The following SBF1 variants were observed in gnomAD, a reference collection of about 807,000 sequenced individuals.
SBF1 encodes SET binding factor 1, also known as myotubularin-related protein 5.
SBF1 carries 65 observed loss-of-function variants against 215.8 expected under a neutral mutation model. The ratio of observed to expected loss-of-function variants is 0.30; its 90% CI spans 0.25 to 0.37. The LOEUF (loss-of-function observed/expected upper bound fraction) is 0.37, where lower values mean the gene tolerates loss of function less well. SBF1 is among the 10% of genes least tolerant of loss of function. SBF1 has a pLI of 1.00. For missense variants in SBF1, 2,634 were observed against 2,667.8 expected (o/e 0.99, Z 0.28); for synonymous variants, 1,410 against 1,122.8 (o/e 1.26, Z -5.11).
rs771043807 is a variant in SBF1 at position 50,455,023 on chromosome 22, A to G, written c.4674T>C (p.Ile1558=). 1.2e-5 allele frequency: 20 copies of G among 1,613,906 alleles called. No individual in the cohort carries two copies. The Admixed American group carries it at 2.5e-4, about 20-fold the overall frequency. Residue 1558 remains isoleucine (I), a synonymous_variant, in exon 34 of 41, where the codon ATT becomes ATC. Transcript: ENST00000380817. ...CCCCGACTCCCCACATACCCAGCTC[A>G]ATGCGCTCATAGTCAGAGTCGAGCA... ...TFLLDSDYER[I]ELGLLYEEKG...
Position 50,467,618 on chromosome 22 carries a change from G to T in SBF1, c.352C>A (p.Pro118Thr). Residue 118 changes from proline to threonine, a missense_variant, in exon 4 of 41, where the codon CCC (proline) becomes ACC (threonine). Pro to Thr is a conservative substitution (Grantham distance 38, BLOSUM62 -1). Transcript: ENST00000380817. ...GDEGGQTHLS[P>T]TAPAPSAQLF... ...TGGGCAGATGGGGCAGGTGCTGTGG[G>T]AGACAGGTGGGTCTGGCCTCCCTCA... 2 of 1,614,052 alleles carry T rather than the reference G, an allele frequency of 1.2e-6. No individual in the cohort carries two copies. Among genetic ancestry groups the T allele is most frequent in the Non-Finnish European group, 1.7e-6 (2 of 1,179,972 alleles).
chr22:50,466,002 G>C lies in SBF1; in HGVS notation c.970C>G (p.Pro324Ala), dbSNP rs1345886236. 6.2e-7 allele frequency: 1 copy of C among 1,613,998 alleles called. No individual in the cohort carries two copies. The highest frequency in any genetic ancestry group is 1.7e-5 in the Admixed American group (1 of 60,034). The change falls in exon 9 of 41, where the codon CCA becomes GCA. Residue 324 changes from proline (P) to alanine (A), a missense_variant. Physicochemically the swap from Pro to Ala is conservative, Grantham distance 27. Coordinates refer to ENST00000380817, the MANE Select transcript of SBF1 (RefSeq NM_002972.4). ...IPECVHIPPL[P>A]EPLQSQTHSV... is the part of the protein sequence containing the mutation. ...TGCGTCTGACTCTGCAGTGGCTCTGGCAAGGGTGGAATGTGCACACACTCA... is the reference window on the plus strand; with the variant it reads ...TGCGTCTGACTCTGCAGTGGCTCTGCCAAGGGTGGAATGTGCACACACTCA...
In SBF1 at chr22:50,462,491, G is replaced by T. The variant is rs752195167; in HGVS notation, c.2128-18C>A. 3 of 1,612,402 alleles carry T rather than the reference G, an allele frequency of 1.9e-6. No individual in the cohort carries two copies. Among genetic ancestry groups the T allele is most frequent in the African/African-American group, 2.7e-5 (2 of 74,884 alleles). On this transcript the variant is annotated intron_variant, in intron 18 of 40. Coordinates refer to ENST00000380817, the MANE Select transcript of SBF1 (RefSeq NM_002972.4). ...CCAACCTCCTGCCACGGCACCACAC[G>T]CATGAGCCGGGGCCACGCTGCCCCA...
intron 1 of SBF1, among the ~76,000 whole-genome samples, chr22:50,474,056 T>C (rs2148620252): frequency 6.6e-6 from 1 of 152,166 alleles, no homozygotes; most frequent in Non-Finnish European, 1.5e-5. Flanking sequence ...TTCTCCTACC[T>C]CCTGGGCTGA....
Position 50,459,409 on chromosome 22 carries a change from A to T in SBF1, c.3689-17T>A, listed in dbSNP as rs757232429. 1.2e-6 allele frequency: 2 copies of T among 1,611,770 alleles called. No individual in the cohort carries two copies. Among genetic ancestry groups the T allele is most frequent in the Non-Finnish European group, 1.7e-6 (2 of 1,179,106 alleles). ...GGGACTGGCCTGGGGGAGGACACGG[A>T]GCTGAGGGAGGGGAGGGTGAGATAG... On this transcript the variant is annotated splice_polypyrimidine_tract_variant and intron_variant, in intron 27 of 40. Transcript: ENST00000380817.
At position 50,448,418 on chromosome 22, in the gene SBF1, G is replaced by A. The variant is rs749766240; in HGVS notation, c.5178C>T (p.Ser1726=). The A allele has an allele frequency of 1.2e-6, 2 of 1,613,840 alleles. No homozygotes were observed. The change falls in exon 38 of 41, where the codon TCC becomes TCT. Residue 1726 remains serine (S), a synonymous_variant. Transcript: ENST00000380817. ...GRGTPSSLLV[S]TAPHHRRSLG... is the part of the protein sequence containing the mutation. ...GCGAGCGACGGTGGTGGGGTGCGGT[G>A]GACACAAGGAGGGAGCTAGGGGTGC... is the stretch of plus-strand genomic sequence containing the variant.
chr22:50,447,224 C>T lies in SBF1; in HGVS notation c.5600G>A (p.Arg1867His), dbSNP rs1241548260. The T allele has an allele frequency of 3.1e-6, 5 of 1,613,840 alleles. No homozygotes were observed. Among genetic ancestry groups the T allele is most frequent in the African/African-American group, 1.3e-5 (1 of 74,940 alleles). The change falls in exon 41 of 41, where the codon CGC (arginine) becomes CAC (histidine). Residue 1867 changes from arginine (R) to histidine (H), a missense_variant. By Grantham distance (29) the Arg-to-His change is conservative. Coordinates refer to ENST00000380817, the MANE Select transcript of SBF1 (RefSeq NM_002972.4). Reference sequence around the variant, plus strand: ...GTCCTGGGCACAGAAGTTGTAAACGCGACGCGTTGTCTTCACCTGGGGAAG... The same window carrying T: ...GTCCTGGGCACAGAAGTTGTAAACGTGACGCGTTGTCTTCACCTGGGGAAG... ...KAFFDVKTTR[R>H]VYNFCAQDVP...
rs377451234 is a variant in SBF1, at chr22:50,447,222, C to T, written c.5602G>A (p.Val1868Ile). 1.7e-5 allele frequency: 28 copies of T among 1,613,850 alleles called. No individual in the cohort carries two copies. Among genetic ancestry groups the T allele is most frequent in the East Asian group, 2.2e-5 (1 of 44,890 alleles). Residue 1868 changes from valine to isoleucine, a missense_variant, in exon 41 of 41, where the codon GTT (valine) becomes ATT (isoleucine). By Grantham distance (29) the Val-to-Ile change is conservative. Transcript: ENST00000380817. ...AFFDVKTTRR[V>I]YNFCAQDVPS... is the part of the protein sequence containing the mutation. ...ACGTCCTGGGCACAGAAGTTGTAAA[C>T]GCGACGCGTTGTCTTCACCTGGGGA...
Position 50,447,618 on chromosome 22 carries a change from C to T in SBF1, c.5364-9G>A, listed in dbSNP as rs2148550212. The T allele has an allele frequency of 5.0e-6, 8 of 1,598,862 alleles. No individual in the cohort carries two copies. The highest frequency in any genetic ancestry group is 2.2e-4 in the Middle Eastern group (1 of 4,540). ...GAGTGCCCTCGTAGGACCTGCATTT[C>T]CAGCAGAACCAGGGCCAGGCTGACC... On this transcript the variant is annotated splice_polypyrimidine_tract_variant and intron_variant, in intron 38 of 40. Coordinates refer to ENST00000380817, the MANE Select transcript of SBF1 (RefSeq NM_002972.4).
rs1389973443 is a variant in SBF1, at chr22:50,462,608, T to C, written c.2078A>G (p.His693Arg). The C allele has an allele frequency of 6.2e-7, 1 of 1,612,574 alleles. No homozygotes were observed. Among genetic ancestry groups the C allele is most frequent in the East Asian group, 2.2e-5 (1 of 44,830 alleles). Residue 693 changes from histidine to arginine, a missense_variant, in exon 18 of 41, where the codon CAC (histidine) becomes CGC (arginine). Physicochemically the swap from His to Arg is conservative, Grantham distance 29 (BLOSUM62 0). Coordinates refer to ENST00000380817, the MANE Select transcript of SBF1 (RefSeq NM_002972.4). The stretch of plus-strand genomic sequence containing the variant: ...GGGCTCCAGGTAGAGGGCCCGGATG[T>C]GAGTCTGCACATCCCCATAGAACAT... ...EAMFYGDVQT[H>R]IRALYLEPTE...
Position 50,447,625 on chromosome 22 carries a change from A to C in SBF1, c.5364-16T>G, listed in dbSNP as rs2066884988. On this transcript the variant is annotated splice_polypyrimidine_tract_variant and intron_variant, in intron 38 of 40. Transcript: ENST00000380817. Reference sequence around the variant, plus strand: ...CTCGTAGGACCTGCATTTCCAGCAGAACCAGGGCCAGGCTGACCGTCATGG... The same window carrying C: ...CTCGTAGGACCTGCATTTCCAGCAGCACCAGGGCCAGGCTGACCGTCATGG... The C allele has an allele frequency of 1.9e-6, 3 of 1,588,064 alleles. No homozygotes were observed. Among genetic ancestry groups the C allele is most frequent in the Non-Finnish European group, 2.6e-6 (3 of 1,162,322 alleles).
At position 50,457,015 on chromosome 22, in the gene SBF1, C is replaced by T. The variant is rs982214684; in HGVS notation, c.3904+19G>A. On this transcript the variant is annotated intron_variant, in intron 29 of 40. Transcript: ENST00000380817. ...CACCAAGTAAGGGGAGGCGGGCCTG[C>T]GCAGGCTCGGTACGGTACCTCGGGG... 9.9e-6 allele frequency: 14 copies of T among 1,413,368 alleles called. No individual in the cohort carries two copies. The highest frequency in any genetic ancestry group is 3.4e-5 in the Admixed American group (1 of 29,110). The allele number at this position is 1,413,368 out of a possible 1,614,324, so 87.6% of individuals were successfully genotyped here.
At chr22:50,456,459 A>ACCCCCCCCCCCCCCCCC in intron 30 of SBF1, 33 bp downstream of exon 30, 1 of 622,632 alleles carries the variant, frequency 1.6e-6, no homozygotes, top group Non-Finnish European at 2.4e-6. Context: ...CCGAGCCCCC[A>ACCCCCCCCCCCCCCCCC]CCCTCACCCC....
Position 50,464,394 on chromosome 22 carries a change from G to A in SBF1, c.1684C>T (p.Arg562Trp), listed in dbSNP as rs1301087859. ...CSGLHVNSAR[R>W]LEVVRNCISY... is the part of the protein sequence containing the mutation. ...ATGCAGTTGCGCACAACCTCCAGCC[G>A]CCGGGCGCTGTTGACATGCAGCCCA... Residue 562 changes from arginine (R) to tryptophan (W), a missense_variant, in exon 15 of 41, where the codon CGG becomes TGG. Arg to Trp is a moderately radical substitution (Grantham distance 101). Transcript: ENST00000380817. The A allele has an allele frequency of 3.1e-6, 5 of 1,614,064 alleles. No individual in the cohort carries two copies. The highest frequency in any genetic ancestry group is 3.3e-5 in the Admixed American group (2 of 60,026).
At position 50,467,464 on chromosome 22, in the gene SBF1, C is replaced by T. The variant is rs763407090; in HGVS notation, c.439-16G>A. On this transcript the variant is annotated splice_polypyrimidine_tract_variant and intron_variant, in intron 4 of 40. Transcript: ENST00000380817. Reference sequence around the variant, plus strand: ...CAAGGCTGTTCTGCAATGACCAGAGCGGGGAGTGGTGGGACAGCCGATGGA... The same window carrying T: ...CAAGGCTGTTCTGCAATGACCAGAGTGGGGAGTGGTGGGACAGCCGATGGA... The T allele has an allele frequency of 3.2e-5, 51 of 1,613,920 alleles. No individual in the cohort carries two copies. Among genetic ancestry groups the T allele is most frequent in the Non-Finnish European group, 4.2e-5 (49 of 1,179,872 alleles).
chr22:50,462,368 G>C lies in SBF1; in HGVS notation c.2233C>G (p.Leu745Val). ...PTLSREKQQE[L>V]VQKEESTVFS... ...ACCGTGCTCTCCTCCTTCTGCACCA[G>C]CTCCTGCTGCTTCTCACGACTCAGA... The change falls in exon 19 of 41, where the codon CTG becomes GTG. Residue 745 changes from leucine (L) to valine (V), a missense_variant. Leu to Val is a conservative substitution (Grantham distance 32, BLOSUM62 1). Coordinates refer to ENST00000380817, the MANE Select transcript of SBF1 (RefSeq NM_002972.4). The C allele has an allele frequency of 4.3e-6, 7 of 1,614,114 alleles. No individual in the cohort carries two copies. Among genetic ancestry groups the C allele is most frequent in the Non-Finnish European group, 5.9e-6 (7 of 1,180,018 alleles).
At chr22:50,463,753 C>G (rs1208137903) in intron 15 of SBF1, among the ~76,000 whole-genome samples, 1 of 152,262 alleles carries the variant, frequency 6.6e-6, no homozygotes, top group African/African-American at 2.4e-5. Context: ...AGTGACTCGC[C>G]TGGCACAGGC....
At chr22:50,461,402 G>T in intron 22 of SBF1, 116 bp from the exon 23 acceptor site, 1 of 1,498,278 alleles carries the variant, frequency 6.7e-7, no homozygotes, top group Non-Finnish European at 8.9e-7. Flanking sequence ...AGCAGACAAA[G>T]GCCCGTTTCC....
Position 50,459,554 on chromosome 22 carries a change from A to ACC in SBF1, c.3602_3603dup (p.Ser1202GlyfsTer124). The ACC allele has an allele frequency of 6.2e-7, 1 of 1,609,280 alleles. No homozygotes were observed. Among genetic ancestry groups the ACC allele is most frequent in the Non-Finnish European group, 8.5e-7 (1 of 1,179,232 alleles). ...CCAGAGCGCAGCAGCACCGCCTTGG[A>ACC]CCGCCCGCTGCGCCAGCAGACCACG... On this transcript the variant is annotated frameshift_variant, in exon 27 of 41. Transcript: ENST00000380817. LOFTEE classifies it high-confidence loss of function.
Sources: allele counts gnomAD v4.1 joint callset (sites outside exome capture counted in the v4.1 genomes callset), GRCh38; gene constraint gnomAD v4.1.1; transcripts MANE v1.5; gene names NCBI Gene and HGNC (gene_info 2026-07-23, HGNC 2026-07-21).